Variants in DLC1 observed in about 807,000 individuals in gnomAD.
The protein encoded by DLC1 is rho GTPase-activating protein 7.
Under a neutral mutation model 140.3 loss-of-function variants are expected in DLC1, and 54 were observed. The ratio of observed to expected loss-of-function variants is 0.38; its 90% CI spans 0.31 to 0.48. The LOEUF (loss-of-function observed/expected upper bound fraction) is 0.48. Among genes scored for constraint, DLC1 ranks in the 20% least tolerant of loss-of-function variants. The pLI is 0.96. For synonymous variants in DLC1, 986 were observed against 728.1 expected, an observed-to-expected ratio of 1.35 and a Z score of -5.70; for missense variants, 2,536 against 1,907.0, an observed-to-expected ratio of 1.33 and a Z score of -6.14.
At chr8:13,395,883 C>A (rs1370383390) in intron 3 of DLC1, among the ~76,000 whole-genome samples, 5 of 151,514 alleles carry the variant, frequency 3.3e-5, no homozygotes, top group Non-Finnish European at 5.9e-5. Flanking sequence ...AGACAAACTA[C>A]ATTTTACCCT....
At chr8:13,200,705 A>T (rs1198067023) in intron 5 of DLC1, among the ~76,000 whole-genome samples, 1 of 152,070 alleles carries the variant, frequency 6.6e-6, no homozygotes, top group Non-Finnish European at 1.5e-5. Flanking sequence ...CCAGGGCTCA[A>T]GAGATCCTCC....
intron 5 of DLC1, among the ~76,000 whole-genome samples, chr8:13,182,242 T>A (rs1348789366): frequency 1.3e-4 from 19 of 151,790 alleles, no homozygotes; most frequent in Admixed American, 8.5e-4. Flanking sequence ...ATGGGTAGAT[T>A]GCAAAAATTT....
intron 6 of DLC1, among the ~76,000 whole-genome samples, chr8:13,113,230 G>C (rs1820262723): frequency 6.6e-6 from 1 of 152,184 alleles, no homozygotes; most frequent in South Asian, 2.1e-4. Context: ...TTCCACTGTG[G>C]GTTGAAAGGC....
chr8:13,119,677 C>T (rs182257529), intron 5 of DLC1, among the ~76,000 whole-genome samples: 17 of 152,206 alleles, frequency 1.1e-4, no homozygotes, highest in African/African-American at 1.7e-4. Flanking sequence ...TGAGGCCAAG[C>T]GAGGTGGCTC....
At chr8:13,369,988 A>G (rs17803603) in intron 4 of DLC1, among the ~76,000 whole-genome samples, 17 of 149,638 alleles carry the variant, frequency 1.1e-4, no homozygotes, top group African/African-American at 4.2e-4. Flanking sequence ...GGGACTGGTC[A>G]CTCCTCCTCG....
At position 13,104,437 on chromosome 8, in the gene DLC1, T is replaced by C. The variant is rs143409363; in HGVS notation, c.1503-1584A>G. Reference sequence around the variant, plus strand: ...TTTAAATATGCTGAACTAAACGGTATGTACAACTATGAATGACAGCCCTTC... The same window carrying C: ...TTTAAATATGCTGAACTAAACGGTACGTACAACTATGAATGACAGCCCTTC... On this transcript the variant is annotated intron_variant, in intron 7 of 17. Coordinates refer to ENST00000276297, the MANE Select transcript of DLC1 (RefSeq NM_182643.3). Among the ~76,000 whole-genome samples, 317 of 151,936 alleles carry C rather than the reference T, an allele frequency of 2.1e-3. 1 individual carries two copies. Among genetic ancestry groups the C allele is most frequent in the African/African-American group, 7.1e-3 (293 of 41,448 alleles).
In DLC1 at chr8:13,099,989, T is replaced by A; in HGVS notation, c.2348A>T (p.Asn783Ile). Reference protein sequence around the residue: ...GMYLEGFDPFNQSTFNNVVEQ... With the variant: ...GMYLEGFDPFIQSTFNNVVEQ... ...CACCACGTTGTTAAATGTTGACTGA[T>A]TGAAAGGATCGAAGCCCTCTAAGTA... Residue 783 changes from asparagine (N) to isoleucine (I), a missense_variant, in exon 9 of 18, where the codon AAT becomes ATT. Asn to Ile is a moderately radical substitution (Grantham distance 149). Coordinates refer to ENST00000276297, the MANE Select transcript of DLC1 (RefSeq NM_182643.3). 3.1e-6 allele frequency: 5 copies of A among 1,612,580 alleles called. No homozygotes were observed. Among genetic ancestry groups the A allele is most frequent in the Non-Finnish European group, 4.2e-6 (5 of 1,180,032 alleles).
At chr8:13,411,162 C>A (rs949203715) in intron 2 of DLC1, among the ~76,000 whole-genome samples, 1 of 152,084 alleles carries the variant, frequency 6.6e-6, no homozygotes, top group Admixed American at 6.6e-5. Context: ...GTTGAACTAA[C>A]CAAGATACCC....
At chr8:13,601,680 A>T (rs1417972044) in intron 1 of DLC1, among the ~76,000 whole-genome samples, 1 of 151,578 alleles carries the variant, frequency 6.6e-6, no homozygotes, top group Non-Finnish European at 1.5e-5. Flanking sequence ...AACGACAACA[A>T]AAAAGGAAAA....
In DLC1 at chr8:13,499,403, T is replaced by C. The variant is rs745966958; in HGVS notation, c.669A>G (p.Lys223=). ...TLNVKDIAPE[K]QLLNSAVIAQ... ...CAATTACAGCAGAGTTAAGCAATTGTTTCTCAGGTGCAATATCTTTCACGT... is the reference window on the plus strand; with the variant it reads ...CAATTACAGCAGAGTTAAGCAATTGCTTCTCAGGTGCAATATCTTTCACGT... The change falls in exon 2 of 18, where the codon AAA becomes AAG. Residue 223 remains lysine, a synonymous_variant. Coordinates refer to ENST00000276297, the MANE Select transcript of DLC1 (RefSeq NM_182643.3). 1.4e-5 allele frequency: 23 copies of C among 1,613,694 alleles called. No individual in the cohort carries two copies. In the East Asian group the frequency reaches 4.2e-4, roughly 30 times the overall value.
At chr8:13,269,115 T>C (rs1830815348) in intron 5 of DLC1, among the ~76,000 whole-genome samples, 1 of 151,942 alleles carries the variant, frequency 6.6e-6, no homozygotes, top group African/African-American at 2.4e-5. Context: ...CCTCGTGATC[T>C]GCCCGCCTCA....
chr8:13,482,623 C>G (rs1800788216), intron 2 of DLC1, among the ~76,000 whole-genome samples: 1 of 152,062 alleles, frequency 6.6e-6, no homozygotes, highest in Non-Finnish European at 1.5e-5. Context: ...GTCATAGTTA[C>G]CTTTTATTAG....
chr8:13,280,002 G>A, intron 5 of DLC1, among the ~76,000 whole-genome samples: 1 of 151,892 alleles, frequency 6.6e-6, no homozygotes, highest in East Asian at 1.9e-4. Flanking sequence ...AGAATAGGCT[G>A]GGTGCGGTGG....
At chr8:13,377,111 A>C (rs924931716) in intron 4 of DLC1, among the ~76,000 whole-genome samples, 1 of 152,302 alleles carries the variant, frequency 6.6e-6, no homozygotes, top group African/African-American at 2.4e-5. Context: ...TGTTTCAGTG[A>C]CGATTTCTAG....
chr8:13,394,078 C>A lies in DLC1; in HGVS notation c.1174-385G>T, dbSNP rs183548293. Among the ~76,000 whole-genome samples the A allele has an allele frequency of 2.7e-3, 415 of 152,292 alleles. 2 individuals carry two copies. The highest frequency in any genetic ancestry group is 9.7e-3 in the African/African-American group (404 of 41,554). On this transcript the variant is annotated intron_variant, in intron 3 of 17. Transcript: ENST00000276297. ...ACACTCCTCTGACTATACAGCGCTGCCCAGAGTTCCTCACAGGGCCACTGG... is the reference window on the plus strand; with the variant it reads ...ACACTCCTCTGACTATACAGCGCTGACCAGAGTTCCTCACAGGGCCACTGG...
chr8:13,566,545 G>A (rs1171341274), intron 1 of DLC1, among the ~76,000 whole-genome samples: 1 of 152,206 alleles, frequency 6.6e-6, no homozygotes, highest in African/African-American at 2.4e-5. Context: ...CGTTTTGCTT[G>A]ATTTTTAAAT....
intron 2 of DLC1, among the ~76,000 whole-genome samples, chr8:13,493,205 C>T (rs1801343720): frequency 6.6e-6 from 1 of 152,168 alleles, no homozygotes; most frequent in South Asian, 2.1e-4. Flanking sequence ...TAAAATAATA[C>T]TGTTATTATG....
At chr8:13,226,822 T>C (rs2117181559) in intron 5 of DLC1, among the ~76,000 whole-genome samples, 1 of 152,328 alleles carries the variant, frequency 6.6e-6, no homozygotes, top group Admixed American at 6.5e-5. Flanking sequence ...AATGCTTAGC[T>C]TTTGACCTGA....
intron 1 of DLC1, among the ~76,000 whole-genome samples, chr8:13,540,728 C>T (rs1056298908): frequency 6.6e-6 from 1 of 152,166 alleles, no homozygotes; most frequent in Non-Finnish European, 1.5e-5. Flanking sequence ...AAGAGAAAAA[C>T]CCCAACCAGT....
Sources: allele counts gnomAD v4.1 joint callset (sites outside exome capture counted in the v4.1 genomes callset), GRCh38; gene constraint gnomAD v4.1.1; transcripts MANE v1.5; gene names NCBI Gene and HGNC (gene_info 2026-07-23, HGNC 2026-07-21).